CREB5: variants seen among roughly 807,000 people sequenced by gnomAD.
CREB5 encodes the protein cAMP responsive element binding protein 5.
Under a neutral mutation model 57.1 loss-of-function variants are expected in CREB5, and 19 were observed. The ratio of observed to expected loss-of-function variants is 0.33; its 90% CI spans 0.23 to 0.49. The LOEUF is 0.49. Ranked by LOEUF, CREB5 falls within the 20% of genes least tolerant of loss-of-function variation. The pLI, the probability that CREB5 is intolerant of heterozygous loss-of-function variation, is 0.99. For synonymous variants in CREB5, 238 were observed against 238.3 expected (o/e 1.00, Z 0.01); for missense variants, 579 against 671.6 (o/e 0.86, Z 1.52).
In CREB5 at chr7:28,412,563, G is replaced by C. The variant is rs1477437948; in HGVS notation, c.-352G>C. ...AAGTTGATTCTGTGTAGGGTTGGAG[G>C]CTAGACAGTTCCACAAATTTTTAGT... On this transcript the variant is annotated 5_prime_UTR_variant, in exon 1 of 11. Coordinates refer to ENST00000357727, the MANE Select transcript of CREB5 (RefSeq NM_182898.4). The C allele has an allele frequency of 4.8e-6, 1 of 206,700 alleles. No individual in the cohort carries two copies. The highest frequency in any genetic ancestry group is 2.3e-5 in the African/African-American group (1 of 43,682). 12.8% of individuals were successfully genotyped at this position (206,700 alleles called of 1,614,324 possible).
intron 1 of CREB5, among the ~76,000 whole-genome samples, chr7:28,479,162 C>G (rs1791214298): frequency 1.3e-5 from 2 of 152,142 alleles, no homozygotes; most frequent in African/African-American, 4.8e-5. Flanking sequence ...TTACCCTAAA[C>G]TGGGTGGCAT....
chr7:28,469,508 A>G (rs943818892), intron 1 of CREB5, among the ~76,000 whole-genome samples: 5 of 152,256 alleles, frequency 3.3e-5, no homozygotes, highest in African/African-American at 1.2e-4. Context: ...CCACATAAAC[A>G]TAAGTTCATA....
At chr7:28,522,435 GC>G (rs1793248922) in intron 4 of CREB5, among the ~76,000 whole-genome samples, 1 of 127,136 alleles carries the variant, frequency 7.9e-6, no homozygotes, top group Non-Finnish European at 1.6e-5. Context: ...TCACTCCGTC[GC>G]CCAGCCTGGA....
At chr7:28,791,423 C>T (rs1194934543) in intron 7 of CREB5, among the ~76,000 whole-genome samples, 1 of 152,154 alleles carries the variant, frequency 6.6e-6, no homozygotes, top group Non-Finnish European at 1.5e-5. Context: ...TACCATCTTT[C>T]TTTTAACCAA....
chr7:28,621,834 A>G (rs778060864), intron 5 of CREB5, among the ~76,000 whole-genome samples: 8 of 152,222 alleles, frequency 5.3e-5, no homozygotes, highest in Non-Finnish European at 8.8e-5. Flanking sequence ...GACAACATAT[A>G]TCCAGAGGTG....
chr7:28,505,910 TAATA>T (rs1258328492), intron 3 of CREB5, among the ~76,000 whole-genome samples: 3 of 152,184 alleles, frequency 2.0e-5, no homozygotes, highest in Admixed American at 6.5e-5. Flanking sequence ...GTGTGCCTCT[TAATA>T]AATAAATTAG....
chr7:28,678,625 G>A (rs928296530), intron 5 of CREB5, among the ~76,000 whole-genome samples: 3 of 152,148 alleles, frequency 2.0e-5, no homozygotes, highest in South Asian at 2.1e-4. Context: ...GGGCCTGAGA[G>A]GGACAGTAGA....
Position 28,804,213 on chromosome 7 carries a change from A to G in CREB5, c.717A>G (p.Ala239=), listed in dbSNP as rs61736229. ...HSEAKMRLKA[A]LTHHPAAMSN... ...TTCTGTTTCAGAGGTTGAAGGCTGC[A>G]TTGACTCACCACCCTGCTGCCATGT... The change falls in exon 8 of 11, where the codon GCA becomes GCG. Residue 239 remains alanine (A), a synonymous_variant. Coordinates refer to ENST00000357727, the MANE Select transcript of CREB5 (RefSeq NM_182898.4). 7.8e-4 allele frequency: 1,256 copies of G among 1,613,320 alleles called. 6 individuals are homozygous for G. In the African/African-American group the frequency reaches 0.015, roughly 19 times the overall value.
intron 7 of CREB5, among the ~76,000 whole-genome samples, chr7:28,786,745 A>C (rs1302155391): frequency 2.6e-5 from 4 of 152,146 alleles, no homozygotes; most frequent in Non-Finnish European, 5.9e-5. Context: ...TTGTTTGAAA[A>C]TTGAAGTATT....
chr7:28,505,311 A>G (rs1170674352), intron 3 of CREB5, among the ~76,000 whole-genome samples: 3 of 152,148 alleles, frequency 2.0e-5, no homozygotes, highest in African/African-American at 7.2e-5. Context: ...TCCTTTATCT[A>G]TATAGCCAGC....
rs5021179 is a variant in CREB5 at position 28,472,165 on chromosome 7, A to C, written c.4-16010A>C. 3.4e-3 allele frequency among the ~76,000 whole-genome samples: 502 copies of C among 148,046 alleles called. 8 individuals carry two copies. Among genetic ancestry groups the C allele is most frequent in the African/African-American group, 0.011 (448 of 40,526 alleles). On this transcript the variant is annotated intron_variant, in intron 1 of 10. Coordinates refer to ENST00000357727, the MANE Select transcript of CREB5 (RefSeq NM_182898.4). ...TTATAGTCAAAGCAAAAAAAAAAAA[A>C]ACATAGTAATGAGATTGTCTTAGGT...
At chr7:28,301,826 T>C (rs1343136558) in intron 1 of CREB5, among the ~76,000 whole-genome samples, 3 of 152,150 alleles carry the variant, frequency 2.0e-5, no homozygotes. Context: ...GTTCCCGGGG[T>C]TACTAATGTG....
chr7:28,816,508 G>C (rs1041510786), intron 9 of CREB5, among the ~76,000 whole-genome samples: 5 of 152,174 alleles, frequency 3.3e-5, no homozygotes, highest in African/African-American at 1.2e-4. Context: ...TAAAAATAAA[G>C]TTTGGAAGAG....
chr7:28,690,393 CAT>C (rs1160710502), intron 5 of CREB5, among the ~76,000 whole-genome samples: 2 of 152,206 alleles, frequency 1.3e-5, no homozygotes, highest in Non-Finnish European at 2.9e-5. Context: ...CTCGCCCTCA[CAT>C]GTTTCCCTTG....
At chr7:28,399,967 A>G (rs1583420803) in intron 1 of CREB5, among the ~76,000 whole-genome samples, 1 of 152,166 alleles carries the variant, frequency 6.6e-6, no homozygotes, top group Non-Finnish European at 1.5e-5. Flanking sequence ...CTGAGGCAGG[A>G]GAATCCCTTG....
chr7:28,736,163 T>C (rs1803967252), intron 7 of CREB5, among the ~76,000 whole-genome samples: 1 of 151,996 alleles, frequency 6.6e-6, no homozygotes, highest in South Asian at 2.1e-4. Flanking sequence ...TATGGTTTTT[T>C]GTTTGTTTGT....
At chr7:28,369,068 A>ACAAG (rs1786647256) in intron 1 of CREB5, among the ~76,000 whole-genome samples, 1 of 151,962 alleles carries the variant, frequency 6.6e-6, no homozygotes, top group Non-Finnish European at 1.5e-5. Flanking sequence ...AAACAAACAA[A>ACAAG]CAAACAAAAT....
Position 28,407,242 on chromosome 7 carries a change from C to T in CREB5, c.-24-87664C>T, listed in dbSNP as rs62451106. Among the ~76,000 whole-genome samples the T allele has an allele frequency of 3.9e-5, 6 of 151,928 alleles. 1 individual carries two copies. The East Asian group carries it at 7.8e-4, about 20-fold the overall frequency. Reference sequence around the variant, plus strand: ...TTTTTGTATTTTCAGTAGAGACGGGCGTTTCACCATGTTGGTCAGGCTGGT... The same window carrying T: ...TTTTTGTATTTTCAGTAGAGACGGGTGTTTCACCATGTTGGTCAGGCTGGT... On this transcript the variant is annotated intron_variant, in intron 1 of 9. Coordinates refer to the CREB5 transcript ENST00000396299.
At chr7:28,404,630 G>T (rs1308690205) in intron 1 of CREB5, among the ~76,000 whole-genome samples, 1 of 152,180 alleles carries the variant, frequency 6.6e-6, no homozygotes, top group African/African-American at 2.4e-5. Flanking sequence ...TGGTGACAGT[G>T]AGCCTTAAAC....
Sources: allele counts gnomAD v4.1 joint callset (sites outside exome capture counted in the v4.1 genomes callset), GRCh38; gene constraint gnomAD v4.1.1; transcripts MANE v1.5; gene names NCBI Gene and HGNC (gene_info 2026-07-23, HGNC 2026-07-21).